Variants in LINGO2 observed in about 807,000 individuals in gnomAD.
LINGO2 encodes leucine rich repeat and Ig domain containing 2.
In LINGO2, 14 loss-of-function variants were observed where a neutral mutation model predicts 30.6. That is an observed-to-expected ratio of 0.46 (90% CI 0.30 to 0.72). The LOEUF is 0.72. LINGO2 is among the 30% of genes least tolerant of loss of function. The probability of loss-of-function intolerance (pLI) is 0.07; values close to 1 mark genes in which losing one functional copy is unlikely to be tolerated. For missense variants in LINGO2, 729 were observed against 751.7 expected (o/e 0.97, Z 0.35); for synonymous variants, 317 against 288.5 (o/e 1.10, Z -1.00).
the LINGO2 span, among the ~76,000 whole-genome samples, chr9:29,041,057 T>C: frequency 6.6e-6 from 1 of 151,992 alleles, no homozygotes; most frequent in East Asian, 1.9e-4. Context: ...TCAAGAATAA[T>C]AAAAGTCATT....
chr9:28,647,131 C>A (rs570143476), intron 1 of LINGO2, among the ~76,000 whole-genome samples: 1 of 152,162 alleles, frequency 6.6e-6, no homozygotes, highest in East Asian at 1.9e-4. Flanking sequence ...TGATTGATAC[C>A]TGGAGAATAT....
intron 5 of LINGO2, among the ~76,000 whole-genome samples, chr9:28,003,252 C>T (rs1822054857): frequency 1.3e-5 from 2 of 152,030 alleles, no homozygotes; most frequent in South Asian, 4.1e-4. Context: ...TTCACTACAA[C>T]AACTGCTGTC....
chr9:29,063,796 T>G, the LINGO2 span, among the ~76,000 whole-genome samples: 1 of 152,170 alleles, frequency 6.6e-6, no homozygotes, highest in Non-Finnish European at 1.5e-5. Flanking sequence ...TGTACATACT[T>G]TTACAATTTT....
At chr9:29,059,045 T>A in the LINGO2 span, among the ~76,000 whole-genome samples, 1 of 151,952 alleles carries the variant, frequency 6.6e-6, no homozygotes, top group Non-Finnish European at 1.5e-5. Context: ...AATACAACTC[T>A]AGCATAAATA....
intron 5 of LINGO2, among the ~76,000 whole-genome samples, chr9:27,958,076 T>C (rs1764133532): frequency 6.6e-6 from 1 of 152,184 alleles, no homozygotes; most frequent in African/African-American, 2.4e-5. Context: ...AGTTTGATGT[T>C]AGCTGTGGGT....
chr9:29,082,026 G>T, the LINGO2 span, among the ~76,000 whole-genome samples: 2 of 152,048 alleles, frequency 1.3e-5, no homozygotes, highest in Admixed American at 6.6e-5. Flanking sequence ...CAGATTCAAT[G>T]CCATCCCCAT....
intron 4 of LINGO2, among the ~76,000 whole-genome samples, chr9:28,225,021 GAC>G (rs1821100068): frequency 6.6e-6 from 1 of 152,112 alleles, no homozygotes; most frequent in African/African-American, 2.4e-5. Context: ...TTGAAGAAAG[GAC>G]AGTCTTCAAT....
chr9:28,002,322 G>A (rs767261748), intron 5 of LINGO2, among the ~76,000 whole-genome samples: 1 of 151,654 alleles, frequency 6.6e-6, no homozygotes, highest in African/African-American at 2.4e-5. Flanking sequence ...ACCCAAGCCT[G>A]TAAAATTCAT....
chr9:28,048,310 G>A (rs1249796654), intron 4 of LINGO2, among the ~76,000 whole-genome samples: 2 of 150,892 alleles, frequency 1.3e-5, no homozygotes, highest in Admixed American at 6.6e-5. Context: ...TGAAAACATT[G>A]TAATTAAATT....
intron 1 of LINGO2, among the ~76,000 whole-genome samples, chr9:28,584,914 T>C (rs957522279): frequency 7.7e-5 from 6 of 78,380 alleles, no homozygotes; most frequent in Admixed American, 4.2e-4. Context: ...AAATGTAATA[T>C]AGACTGTGAC....
chr9:28,037,137 G>C (rs1823975892), intron 4 of LINGO2, among the ~76,000 whole-genome samples: 1 of 152,196 alleles, frequency 6.6e-6, no homozygotes, highest in African/African-American at 2.4e-5. Flanking sequence ...TAGGAAAACG[G>C]AAGTATGGGT....
At chr9:29,024,010 A>T in the LINGO2 span, among the ~76,000 whole-genome samples, 4 of 152,096 alleles carry the variant, frequency 2.6e-5, no homozygotes, top group East Asian at 7.8e-4. Flanking sequence ...TCTCTTGTAA[A>T]CTTAATGTCC....
chr9:28,019,950 A>G (rs918358514), intron 4 of LINGO2, among the ~76,000 whole-genome samples: 7 of 152,106 alleles, frequency 4.6e-5, no homozygotes, highest in Admixed American at 1.3e-4. Flanking sequence ...CCTTTCAGCC[A>G]ACTGTTAAAA....
intron 1 of LINGO2, among the ~76,000 whole-genome samples, chr9:28,506,496 A>ATATATAT (rs1459405921): frequency 8.6e-6 from 1 of 116,280 alleles, no homozygotes; most frequent in Non-Finnish European, 1.9e-5. Context: ...ATACACACAC[A>ATATATAT]CACACAGACA....
At chr9:28,707,867 T>A in the LINGO2 span, among the ~76,000 whole-genome samples, 2 of 152,084 alleles carry the variant, frequency 1.3e-5, no homozygotes, top group Non-Finnish European at 2.9e-5. Flanking sequence ...TATCACCACA[T>A]GGAAGCCCAA....
chr9:28,714,166 T>TAC, the LINGO2 span, among the ~76,000 whole-genome samples: 2 of 81,914 alleles, frequency 2.4e-5, no homozygotes, highest in Admixed American at 1.3e-4. Context: ...CCTCAAATAA[T>TAC]ATATATATAT....
the LINGO2 span, among the ~76,000 whole-genome samples, chr9:28,810,195 A>G: frequency 0.024 from 3,592 of 152,248 alleles, 146 homozygotes; most frequent in African/African-American, 0.08. Context: ...AACTATTTGG[A>G]TATTTTTATA....
the LINGO2 span, among the ~76,000 whole-genome samples, chr9:28,897,320 C>T: frequency 6.6e-6 from 1 of 152,090 alleles, no homozygotes; most frequent in African/African-American, 2.4e-5. Flanking sequence ...ATGACAGAGA[C>T]AATCCTAAGT....
intron 1 of LINGO2, among the ~76,000 whole-genome samples, chr9:28,623,074 G>A (rs921807149): frequency 6.6e-6 from 1 of 151,764 alleles, no homozygotes; most frequent in Non-Finnish European, 1.5e-5. Flanking sequence ...TTTGCTCCTT[G>A]TATATTCTGG....
Sources: gnomAD v4.1 joint callset for allele counts (sites outside exome capture counted in the v4.1 genomes callset) on GRCh38, gnomAD v4.1.1 for gene constraint, MANE v1.5 for transcripts, NCBI Gene and HGNC (gene_info 2026-07-23, HGNC 2026-07-21) for gene names.